The following CLYBL variants were observed in gnomAD, a reference collection of about 807,000 sequenced individuals.
The protein encoded by CLYBL is citramalyl-CoA lyase.
A neutral mutation model predicts 38.9 loss-of-function variants in CLYBL; 31 were observed. The observed-to-expected ratio is 0.80, with a 90% CI of 0.60 to 1.08. The LOEUF (loss-of-function observed/expected upper bound fraction) is 1.08. Ranked by LOEUF, CLYBL falls within the 50% of genes least tolerant of loss-of-function variation. The probability of loss-of-function intolerance (pLI) is 0.00; values close to 1 mark genes in which losing one functional copy is unlikely to be tolerated. For synonymous variants in CLYBL, 171 were observed against 158.6 expected (o/e 1.08, Z -0.59); for missense variants, 434 against 411.6 (o/e 1.05, Z -0.47).
intron 7 of CLYBL, 107 bp from the exon 8 acceptor site, chr13:99,891,211 T>A: frequency 1.2e-6 from 1 of 830,860 alleles, no homozygotes; most frequent in Non-Finnish European, 2.0e-6. Context: ...GGAAAGTCAG[T>A]ATAATTCAGG....
chr13:99,791,877 A>G (rs963849237), intron 2 of CLYBL, among the ~76,000 whole-genome samples: 3 of 152,158 alleles, frequency 2.0e-5, no homozygotes, highest in Non-Finnish European at 4.4e-5. Flanking sequence ...TCACAGGGTA[A>G]TATATTGGGA....
At chr13:99,894,825 G>A (rs2052554266), downstream of CLYBL, 2 of 150,536 alleles carry the variant, frequency 1.3e-5, no homozygotes, top group African/African-American at 4.9e-5. Context: ...AATGTATAGA[G>A]GATTATATCA....
At chr13:99,837,073 T>TC (rs1311039921) in intron 2 of CLYBL, among the ~76,000 whole-genome samples, 1 of 151,694 alleles carries the variant, frequency 6.6e-6, no homozygotes, top group African/African-American at 2.4e-5. Context: ...GCCTCAGAGG[T>TC]CCCCACTTAA....
At chr13:99,875,224 G>T (rs1398780450) in intron 7 of CLYBL, among the ~76,000 whole-genome samples, 2 of 152,114 alleles carry the variant, frequency 1.3e-5, no homozygotes, top group African/African-American at 4.8e-5. Context: ...TAAGCATCAC[G>T]CAACCAACAT....
At chr13:99,734,830 C>T (rs1354250800) in intron 1 of CLYBL, among the ~76,000 whole-genome samples, 1 of 152,044 alleles carries the variant, frequency 6.6e-6, no homozygotes, top group Non-Finnish European at 1.5e-5. Flanking sequence ...TGCTGTTCCC[C>T]CCAAAAGATT....
intron 1 of CLYBL, among the ~76,000 whole-genome samples, chr13:99,710,881 CTTTTTTTTTT>C (rs748011707): frequency 2.4e-5 from 2 of 83,892 alleles, no homozygotes; most frequent in Non-Finnish European, 4.3e-5. Flanking sequence ...TTTCTAACCC[CTTTTTTTTTT>C]TTTTTTTTTT....
chr13:99,753,607 GATAC>G (rs1392020954), intron 1 of CLYBL, among the ~76,000 whole-genome samples: 2 of 152,136 alleles, frequency 1.3e-5, no homozygotes. Flanking sequence ...AAAATTTATT[GATAC>G]ATTTACCTAC....
chr13:99,754,315 G>A (rs2049013319), intron 1 of CLYBL, among the ~76,000 whole-genome samples: 1 of 150,904 alleles, frequency 6.6e-6, no homozygotes. Flanking sequence ...TACTTGGGAG[G>A]CTGAAGTGGG....
At chr13:99,756,068 A>G (rs1455418378) in intron 1 of CLYBL, among the ~76,000 whole-genome samples, 3 of 152,228 alleles carry the variant, frequency 2.0e-5, no homozygotes, top group Admixed American at 1.3e-4. Context: ...ACCAGAATCT[A>G]GCATGAAGCT....
At chr13:99,744,157 A>G (rs1364051879) in intron 1 of CLYBL, among the ~76,000 whole-genome samples, 1 of 151,712 alleles carries the variant, frequency 6.6e-6, no homozygotes, top group Non-Finnish European at 1.5e-5. Flanking sequence ...TATTTTTAGT[A>G]GAGACGGGGT....
At chr13:99,700,377 G>T (rs553380092) in intron 1 of CLYBL, among the ~76,000 whole-genome samples, 1 of 152,316 alleles carries the variant, frequency 6.6e-6, no homozygotes, top group East Asian at 1.9e-4. Flanking sequence ...CCTGGAGGCG[G>T]AGGTTGCGGT....
intron 1 of CLYBL, among the ~76,000 whole-genome samples, chr13:99,640,953 C>G (rs895043427): frequency 6.6e-6 from 1 of 152,142 alleles, no homozygotes; most frequent in Non-Finnish European, 1.5e-5. Context: ...TATGGGAGGA[C>G]TTAACAAAAA....
chr13:99,768,206 T>TC (rs1032237390), intron 1 of CLYBL, among the ~76,000 whole-genome samples: 5 of 144,976 alleles, frequency 3.4e-5, no homozygotes, highest in African/African-American at 1.3e-4. Context: ...TTTTTTTTTT[T>TC]TTTTTTGAGC....
chr13:99,651,525 A>G (rs1490767644), intron 1 of CLYBL, among the ~76,000 whole-genome samples: 4 of 152,152 alleles, frequency 2.6e-5, no homozygotes, highest in South Asian at 2.1e-4. Flanking sequence ...AGCCAAGATC[A>G]CACCACTGCA....
At chr13:99,756,787 G>A (rs1282136329) in intron 1 of CLYBL, among the ~76,000 whole-genome samples, 1 of 152,218 alleles carries the variant, frequency 6.6e-6, no homozygotes, top group Admixed American at 6.5e-5. Context: ...TACCAGCTAA[G>A]TAAAGAAGCC....
At chr13:99,772,581 C>G (rs1487951524) in intron 1 of CLYBL, among the ~76,000 whole-genome samples, 2 of 152,164 alleles carry the variant, frequency 1.3e-5, no homozygotes, top group East Asian at 3.9e-4. Flanking sequence ...ACCTGTAGTC[C>G]CAACTACTGG....
intron 1 of CLYBL, among the ~76,000 whole-genome samples, chr13:99,740,235 A>G (rs768527980): frequency 6.6e-6 from 1 of 152,066 alleles, no homozygotes; most frequent in African/African-American, 2.4e-5. Flanking sequence ...GTTGTGGGAG[A>G]TATTTATGAA....
chr13:99,629,326 A>G (rs1432463908), intron 1 of CLYBL, among the ~76,000 whole-genome samples: 1 of 152,202 alleles, frequency 6.6e-6, no homozygotes, highest in Non-Finnish European at 1.5e-5. Flanking sequence ...TTCTGTAGAC[A>G]TTGCCTCCTG....
intron 2 of CLYBL, among the ~76,000 whole-genome samples, chr13:99,778,549 A>C (rs965404452): frequency 6.6e-6 from 1 of 152,190 alleles, no homozygotes; most frequent in Non-Finnish European, 1.5e-5. Context: ...TAAGTATATA[A>C]TACCTTCCAG....
Sources: allele counts gnomAD v4.1 joint callset (sites outside exome capture counted in the v4.1 genomes callset), GRCh38; gene constraint gnomAD v4.1.1; transcripts MANE v1.5; gene names NCBI Gene and HGNC (gene_info 2026-07-23, HGNC 2026-07-21).